The following BCAR3 variants were observed in gnomAD, a reference collection of about 807,000 sequenced individuals.
The protein encoded by BCAR3 is breast cancer anti-estrogen resistance protein 3.
In BCAR3, 37 loss-of-function variants were observed where a neutral mutation model predicts 80.1. The observed-to-expected ratio is 0.46, with a 90% confidence interval of 0.36 to 0.61. BCAR3 has a LOEUF of 0.61. Ranked by LOEUF, BCAR3 falls within the 20% of genes least tolerant of loss-of-function variation. BCAR3 has a pLI of 0.00. For synonymous variants in BCAR3, 389 were observed against 418.9 expected, an observed-to-expected ratio of 0.93 and a Z score of 0.87; for missense variants, 978 against 1,068.2, an observed-to-expected ratio of 0.92 and a Z score of 1.18.
At position 93,711,567 on chromosome 1, in the gene BCAR3, G is replaced by A. The variant is rs189906734; in HGVS notation, c.-62-5425C>T. 2.6e-4 allele frequency among the ~76,000 whole-genome samples: 39 copies of A among 152,250 alleles called. 1 individual carries two copies. Among genetic ancestry groups the A allele is most frequent in the Admixed American group, 2.6e-4 (4 of 15,302 alleles). Reference sequence around the variant, plus strand: ...TCATGAGGCTAGCCTGGATTCAATCGGTGGAGAATAGACTCAACTTTAATG... The same window carrying A: ...TCATGAGGCTAGCCTGGATTCAATCAGTGGAGAATAGACTCAACTTTAATG... On this transcript the variant is annotated intron_variant, in intron 2 of 13. Transcript: ENST00000370244.
intron 2 of BCAR3, among the ~76,000 whole-genome samples, chr1:93,745,398 T>G (rs1651319976): frequency 6.6e-6 from 1 of 152,216 alleles, no homozygotes; most frequent in Non-Finnish European, 1.5e-5. Flanking sequence ...TTTCCAGAAT[T>G]GCTTTGTCAC....
At chr1:93,647,479 A>G (rs1011241975) in intron 2 of BCAR3, among the ~76,000 whole-genome samples, 4 of 152,246 alleles carry the variant, frequency 2.6e-5, no homozygotes, top group Non-Finnish European at 5.9e-5. Context: ...TTAAAGCCAA[A>G]TAAAATTTAC....
At position 93,614,886 on chromosome 1, in the gene BCAR3, G is replaced by T. The variant is rs149890749; in HGVS notation, c.358-22493C>A. Among the ~76,000 whole-genome samples the T allele has an allele frequency of 1.4e-4, 22 of 152,128 alleles. No individual in the cohort carries two copies. In the East Asian group the frequency reaches 4.2e-3, roughly 29 times the overall value. ...CTCGCATCCAACGCAGCCAAGCAAG[G>T]CCCTCCTGGATTCCCTGCGACCTGA... On this transcript the variant is annotated intron_variant, in intron 3 of 11. Transcript: ENST00000260502.
intron 1 of BCAR3, among the ~76,000 whole-genome samples, chr1:93,846,434 C>T (rs1655183954): frequency 1.3e-5 from 2 of 152,192 alleles, no homozygotes; most frequent in South Asian, 4.1e-4. Context: ...CTCGCCGCTG[C>T]AGTCGCAGAG....
intron 3 of BCAR3, among the ~76,000 whole-genome samples, chr1:93,693,097 C>T (rs191211780): frequency 6.6e-6 from 1 of 152,270 alleles, no homozygotes; most frequent in Admixed American, 6.5e-5. Context: ...TCAGCCCCAC[C>T]CTAAGGCACT....
chr1:93,728,803 G>A (rs916504804), intron 2 of BCAR3, among the ~76,000 whole-genome samples: 5 of 152,110 alleles, frequency 3.3e-5, no homozygotes, highest in Non-Finnish European at 1.5e-5. Context: ...CCAGCCATCT[G>A]TGTGTCTGCC....
Position 93,769,355 on chromosome 1 carries a change from ATGTGTGTGTGTG to A in BCAR3, c.-62-63225_-62-63214del, listed in dbSNP as rs59798936. 4.4e-3 allele frequency among the ~76,000 whole-genome samples: 533 copies of A among 119,910 alleles called. 4 individuals are homozygous for A. Among genetic ancestry groups the A allele is most frequent in the African/African-American group, 0.012 (383 of 31,502 alleles). The allele number at this position is 119,910 out of a possible 152,430, so 78.7% of individuals were successfully genotyped here. ...TTTAGGACTAAATATGTGGGTAGGA[ATGTGTGTGTGTG>A]TGTGTGTGTGTGTGTGTGTGTGTGT... is the stretch of plus-strand genomic sequence containing the variant. On this transcript the variant is annotated intron_variant, in intron 2 of 13. Transcript: ENST00000370244.
rs559272983 is a variant in BCAR3, at chr1:93,786,108, G to T, written c.-63+59459C>A. On this transcript the variant is annotated intron_variant, in intron 2 of 13. Transcript: ENST00000370244. ...CTCGGGAGGCTGAGGCAGGAGAATG[G>T]CGTGAACCCGGGAGGCGGAGCTTGC... Among the ~76,000 whole-genome samples the T allele has an allele frequency of 1.8e-3, 214 of 119,434 alleles. 4 individuals carry two copies. Among genetic ancestry groups the T allele is most frequent in the Non-Finnish European group, 2.5e-3 (156 of 61,312 alleles). 78.4% of individuals were successfully genotyped at this position (119,434 alleles called of 152,430 possible). A position where few individuals can be genotyped will look rare whatever the true frequency, so the allele number is the denominator to read the frequency against.
intron 3 of BCAR3, among the ~76,000 whole-genome samples, chr1:93,604,000 C>T (rs999970749): frequency 3.3e-5 from 5 of 152,164 alleles, no homozygotes; most frequent in African/African-American, 9.7e-5. Flanking sequence ...GTTTAAGCAC[C>T]TTGATGAAAT....
chr1:93,573,007 T>C (rs557570387), intron 8 of BCAR3, among the ~76,000 whole-genome samples: 1 of 152,310 alleles, frequency 6.6e-6, no homozygotes, highest in South Asian at 2.1e-4. Flanking sequence ...TCACTTGCAG[T>C]GTAAGCTTGG....
At chr1:93,663,758 T>A (rs1192028684) in intron 2 of BCAR3, among the ~76,000 whole-genome samples, 4 of 152,130 alleles carry the variant, frequency 2.6e-5, no homozygotes, top group African/African-American at 9.7e-5. Flanking sequence ...AATGAATACA[T>A]CAAAGTGGCC....
chr1:93,783,859 C>G (rs1004508993), intron 2 of BCAR3, among the ~76,000 whole-genome samples: 4 of 152,200 alleles, frequency 2.6e-5, no homozygotes, highest in Admixed American at 6.5e-5. Context: ...TCCCCTTGAA[C>G]CCAGGTGGGA....
chr1:93,619,806 C>CA (rs1483943989), intron 3 of BCAR3, among the ~76,000 whole-genome samples: 2 of 152,250 alleles, frequency 1.3e-5, no homozygotes, highest in Non-Finnish European at 2.9e-5. Context: ...AGCTGTGAGA[C>CA]AGACACCTGC....
intron 3 of BCAR3, among the ~76,000 whole-genome samples, chr1:93,621,559 C>T (rs1249564537): frequency 2.0e-5 from 3 of 152,128 alleles, no homozygotes; most frequent in Admixed American, 6.5e-5. Context: ...TGCACACACC[C>T]GGGTTGTAGC....
intron 2 of BCAR3, among the ~76,000 whole-genome samples, chr1:93,662,928 C>G (rs921510465): frequency 8.2e-5 from 8 of 97,260 alleles, no homozygotes; most frequent in Admixed American, 6.2e-4. Context: ...ATGTATCCAC[C>G]TGCATCCTTC....
At chr1:93,568,047 G>A (rs528019990) in intron 9 of BCAR3, 196 bp from the exon 10 acceptor site, 48 of 474,066 alleles carry the variant, frequency 1.0e-4, no homozygotes, top group Non-Finnish European at 1.5e-4. Context: ...TTAGCCAGGC[G>A]TGGTGGCGTG....
At chr1:93,596,714 A>G (rs1205620383) in intron 3 of BCAR3, among the ~76,000 whole-genome samples, 1 of 152,230 alleles carries the variant, frequency 6.6e-6, no homozygotes, top group African/African-American at 2.4e-5. Flanking sequence ...CCAAGATCAA[A>G]TTCTCTAACA....
At chr1:93,686,645 A>G (rs1648982392), upstream of BCAR3, among the ~76,000 whole-genome samples, 1 of 152,126 alleles carries the variant, frequency 6.6e-6, no homozygotes, top group African/African-American at 2.4e-5. Context: ...GGTCTGTCTG[A>G]CCCCTGCTGC....
chr1:93,730,097 T>C (rs1312571511), intron 2 of BCAR3, among the ~76,000 whole-genome samples: 1 of 152,212 alleles, frequency 6.6e-6, no homozygotes, highest in Non-Finnish European at 1.5e-5. Context: ...AGCAGTTTTC[T>C]TTCCATATAA....
Sources: gnomAD v4.1 joint callset for allele counts (sites outside exome capture counted in the v4.1 genomes callset) on GRCh38, gnomAD v4.1.1 for gene constraint, MANE v1.5 for transcripts, NCBI Gene and HGNC (gene_info 2026-07-23, HGNC 2026-07-21) for gene names.